Variants in ADGRA1 observed in about 807,000 individuals in gnomAD.
ADGRA1 encodes adhesion G protein-coupled receptor A1.
A neutral mutation model predicts 21.3 loss-of-function variants in ADGRA1; 12 were observed. The observed-to-expected ratio is 0.56, with a 90% confidence interval of 0.36 to 0.91. The LOEUF (loss-of-function observed/expected upper bound fraction) is 0.91. ADGRA1 is among the 40% of genes least tolerant of loss of function. ADGRA1 has a pLI of 0.01. For synonymous variants in ADGRA1, 385 were observed against 368.8 expected (o/e 1.04, Z -0.50); for missense variants, 790 against 805.6 (o/e 0.98, Z 0.23).
At chr10:133,105,519 C>G (rs973378605) in intron 5 of ADGRA1, among the ~76,000 whole-genome samples, 8 of 152,226 alleles carry the variant, frequency 5.3e-5, no homozygotes, top group Admixed American at 3.3e-4. Context: ...CAACGGCCAC[C>G]TCTGCTCTGC....
chr10:133,117,835 G>A (rs1416931462), intron 5 of ADGRA1, among the ~76,000 whole-genome samples: 1 of 152,232 alleles, frequency 6.6e-6, no homozygotes, highest in African/African-American at 2.4e-5. Context: ...AGGAGTCCCT[G>A]CCAGGCCCAG....
intron 5 of ADGRA1, among the ~76,000 whole-genome samples, chr10:133,115,112 A>C (rs1852132266): frequency 6.6e-6 from 1 of 152,106 alleles, no homozygotes; most frequent in Non-Finnish European, 1.5e-5. Flanking sequence ...AGGGTCCCGG[A>C]AGGGCCCAGT....
At chr10:133,095,439 C>A (rs1851668633) in intron 2 of ADGRA1, among the ~76,000 whole-genome samples, 1 of 152,230 alleles carries the variant, frequency 6.6e-6, no homozygotes. Context: ...CTAAACACTC[C>A]CCGGAAAGCA....
chr10:133,089,893 G>C (rs1037827139), intron 2 of ADGRA1, among the ~76,000 whole-genome samples: 2 of 152,212 alleles, frequency 1.3e-5, no homozygotes, highest in Non-Finnish European at 2.9e-5. Flanking sequence ...TCCAGCACCA[G>C]CAGCACCTCA....
rs1564850014 is a variant in ADGRA1 at position 133,112,372 on chromosome 10, G to GTGTCGGTTATTTGGGGTCTACGGGCTA, written c.401+9555_401+9556insTATGTCGGTTATTTGGGGTCTACGGGC. On this transcript the variant is annotated intron_variant, in intron 5 of 6. Transcript: ENST00000392607. ...GTCAGTTATTTGGGGTCTGCGGGCC[G>GTGTCGGTTATTTGGGGTCTACGGGCTA]TGTCGGTTATTTGGGGTCTACGGGC... Among the ~76,000 whole-genome samples the GTGTCGGTTATTTGGGGTCTACGGGCTA allele has an allele frequency of 8.8e-4, 125 of 142,668 alleles. 1 individual carries two copies. The highest frequency in any genetic ancestry group is 3.1e-3 in the African/African-American group (119 of 37,928). 93.6% of individuals were successfully genotyped at this position (142,668 alleles called of 152,430 possible).
At chr10:133,121,859 A>AGTG (rs1471223568) in intron 5 of ADGRA1, among the ~76,000 whole-genome samples, 61 of 64,652 alleles carry the variant, frequency 9.4e-4, no homozygotes, top group African/African-American at 3.3e-3. Flanking sequence ...GCGTGTGTGA[A>AGTG]TGAGTGCCTG....
At chr10:133,111,221 G>GAAC (rs1851993175) in intron 5 of ADGRA1, among the ~76,000 whole-genome samples, 1 of 90,964 alleles carries the variant, frequency 1.1e-5, no homozygotes, top group Non-Finnish European at 2.0e-5. Flanking sequence ...CCCACCACAG[G>GAAC]CACCTCCCTC....
chr10:133,116,795 A>G (rs9419113), intron 5 of ADGRA1, among the ~76,000 whole-genome samples: 91,318 of 151,202 alleles, frequency 0.6, 28,584 homozygotes, highest in African/African-American at 0.77. Context: ...CTGACCCCCC[A>G]GCTCTGGTCA....
At position 133,097,098 on chromosome 10, in the gene ADGRA1, A is replaced by G; in HGVS notation, c.128A>G (p.Gln43Arg). The G allele has an allele frequency of 3.1e-6, 5 of 1,605,162 alleles. No homozygotes were observed. Among genetic ancestry groups the G allele is most frequent in the Non-Finnish European group, 4.2e-6 (5 of 1,179,944 alleles). ...LASFVTYIVH[Q>R]SAIRISRKGR... The stretch of plus-strand genomic sequence containing the variant: ...TCCTTCGTCACCTACATCGTGCACC[A>G]GAGGTGAGCCTGGCATGGGCAAGGG... Residue 43 changes from glutamine (Q) to arginine (R), a missense_variant, in exon 3 of 7, where the codon CAG (glutamine) becomes CGG (arginine). Gln to Arg is a conservative substitution (Grantham distance 43). Around this residue, in one of 3 missense-constraint regions of ADGRA1, gnomAD observed 382 missense variants for 415.6 expected, o/e 0.92. Coordinates refer to ENST00000392607, the MANE Select transcript of ADGRA1 (RefSeq NM_001083909.3).
chr10:133,097,771 C>T (rs1005687518), intron 3 of ADGRA1, among the ~76,000 whole-genome samples: 11 of 152,180 alleles, frequency 7.2e-5, no homozygotes, highest in Admixed American at 3.3e-4. Flanking sequence ...AGGCCGAGGT[C>T]CCAGATCAAG....
At chr10:133,124,840 G>A (rs1362626925) in intron 5 of ADGRA1, among the ~76,000 whole-genome samples, 6 of 98,998 alleles carry the variant, frequency 6.1e-5, no homozygotes, top group South Asian at 7.0e-4. Flanking sequence ...CCCCGGCCCC[G>A]GCCCCGGCCC....
intron 5 of ADGRA1, among the ~76,000 whole-genome samples, chr10:133,119,107 G>A (rs755939091): frequency 1.3e-5 from 2 of 152,100 alleles, no homozygotes; most frequent in Admixed American, 6.5e-5. Flanking sequence ...ACACTTGCAC[G>A]CACACCCGCA....
In ADGRA1 at chr10:133,121,597, C is replaced by T. The variant is rs576244158; in HGVS notation, c.402-5636C>T. 6.5e-3 allele frequency among the ~76,000 whole-genome samples: 643 copies of T among 98,540 alleles called. 4 individuals carry two copies. Among genetic ancestry groups the T allele is most frequent in the African/African-American group, 0.023 (572 of 24,512 alleles). 64.6% of individuals were successfully genotyped at this position (98,540 alleles called of 152,430 possible). The stretch of plus-strand genomic sequence containing the variant: ...ATGCCTGTGCATGTGTGTGCCTGTG[C>T]GTTTGTGCATGTGAGTGCCTGTGTG... On this transcript the variant is annotated intron_variant, in intron 5 of 6. Transcript: ENST00000392607.
chr10:133,112,565 CGGTT>C (rs1237696260), intron 5 of ADGRA1, among the ~76,000 whole-genome samples: 1 of 144,560 alleles, frequency 6.9e-6, no homozygotes, highest in Non-Finnish European at 1.5e-5. Flanking sequence ...TGGGCCGCAT[CGGTT>C]ATTTGAGGTC....
chr10:133,093,037 G>T, intron 2 of ADGRA1: 1 of 1,595,414 alleles, frequency 6.3e-7, no homozygotes, highest in Non-Finnish European at 8.5e-7. Context: ...TGCAGACCTG[G>T]CCCCGGACAC....
At chr10:133,092,909 G>A in intron 2 of ADGRA1, 1 of 1,541,428 alleles carries the variant, frequency 6.5e-7, no homozygotes, top group African/African-American at 1.4e-5. Flanking sequence ...GGAAGAAGGA[G>A]AAGGAGGACT....
In ADGRA1 at chr10:133,106,829, G is replaced by A. The variant is rs140724037; in HGVS notation, c.401+3987G>A. Among the ~76,000 whole-genome samples, 662 of 152,330 alleles carry A rather than the reference G, an allele frequency of 4.3e-3. 5 individuals carry two copies. Among genetic ancestry groups the A allele is most frequent in the African/African-American group, 0.014 (599 of 41,580 alleles). Reference sequence around the variant, plus strand: ...TCTCTGCACACAGTCTCACCCCCGCGGCTCAGAGTGCCCATCGCGGGCTCC... The same window carrying A: ...TCTCTGCACACAGTCTCACCCCCGCAGCTCAGAGTGCCCATCGCGGGCTCC... On this transcript the variant is annotated intron_variant, in intron 5 of 6. Coordinates refer to ENST00000392607, the MANE Select transcript of ADGRA1 (RefSeq NM_001083909.3).
chr10:133,127,648 G>A (rs893482076), intron 6 of ADGRA1, among the ~76,000 whole-genome samples: 2 of 152,076 alleles, frequency 1.3e-5, no homozygotes, highest in Admixed American at 6.5e-5. Context: ...AAACCCCATC[G>A]AGTAGGAACG....
chr10:133,128,837 G>T lies in ADGRA1; in HGVS notation c.1009G>T (p.Ala337Ser), dbSNP rs766816963. Residue 337 changes from alanine to serine, a missense_variant, in exon 7 of 7, where the codon GCG becomes TCG. Physicochemically the swap from Ala to Ser is moderately conservative, Grantham distance 99 (BLOSUM62 1). This residue lies in a region of ADGRA1 where 391 missense variants were observed against 351.5 expected (regional missense o/e 1.11). Coordinates refer to ENST00000392607, the MANE Select transcript of ADGRA1 (RefSeq NM_001083909.3). ...CCCCGCACTTGACGCCAACGGGGCC[G>T]CGCTGGGCCGCGCCGCCTGCCTGCA... ...AHPALDANGA[A>S]LGRAACLHSP... 6.3e-7 allele frequency: 1 copy of T among 1,592,232 alleles called. No individual in the cohort carries two copies. Among genetic ancestry groups the T allele is most frequent in the Non-Finnish European group, 8.5e-7 (1 of 1,172,428 alleles).
Sources: gnomAD v4.1 joint callset for allele counts (sites outside exome capture counted in the v4.1 genomes callset) on GRCh38, gnomAD v4.1.1 for gene constraint, gnomAD v4.1.1 regional missense constraint, MANE v1.5 for transcripts, NCBI Gene and HGNC (gene_info 2026-07-23, HGNC 2026-07-21) for gene names.